The following CYSTM1 variants were observed in gnomAD, a reference collection of about 807,000 sequenced individuals.
CYSTM1 encodes cysteine-rich transmembrane module-containing protein 1.
In CYSTM1, 4 loss-of-function variants were observed where a neutral mutation model predicts 13.1. That is an observed-to-expected ratio of 0.31 (90% confidence interval 0.15 to 0.70). The LOEUF (loss-of-function observed/expected upper bound fraction) is 0.70, where lower values mean the gene tolerates loss of function less well. Among genes scored for constraint, CYSTM1 ranks in the 30% least tolerant of loss-of-function variants. The pLI is 0.72. For synonymous variants in CYSTM1, 36 were observed against 42.7 expected, an observed-to-expected ratio of 0.84 and a Z score of 0.62; for missense variants, 96 against 121.6, an observed-to-expected ratio of 0.79 and a Z score of 0.99.
intron 2 of CYSTM1, among the ~76,000 whole-genome samples, chr5:140,208,815 G>A (rs1049236843): frequency 3.3e-5 from 5 of 152,240 alleles, no homozygotes; most frequent in African/African-American, 4.8e-5. Flanking sequence ...CGAGGCAGGC[G>A]GATCACGAGG....
chr5:140,201,446 CT>C (rs1470892095), intron 2 of CYSTM1: 1 of 152,280 alleles, frequency 6.6e-6, no homozygotes, highest in Non-Finnish European at 1.5e-5. Flanking sequence ...GCTTCCTTTA[CT>C]TCCCACCTCT....
At chr5:140,228,734 C>T (rs1316587579) in intron 2 of CYSTM1, 1 of 399,112 alleles carries the variant, frequency 2.5e-6, no homozygotes, top group Non-Finnish European at 4.4e-6. Context: ...CAACAGTGTA[C>T]GTGATAGAAC....
At chr5:140,223,691 T>C (rs1029047865) in intron 2 of CYSTM1, among the ~76,000 whole-genome samples, 3 of 152,054 alleles carry the variant, frequency 2.0e-5, no homozygotes, top group African/African-American at 4.8e-5. Context: ...CTTCACACAG[T>C]AACCCAGCTT....
chr5:140,237,655 T>C (rs1167716308), intron 2 of CYSTM1, among the ~76,000 whole-genome samples: 1 of 152,244 alleles, frequency 6.6e-6, no homozygotes, highest in Admixed American at 6.5e-5. Flanking sequence ...CAGGCAGTGC[T>C]GGTGGTGCAG....
intron 2 of CYSTM1, among the ~76,000 whole-genome samples, chr5:140,217,888 G>C (rs1238153094): frequency 6.6e-6 from 1 of 152,190 alleles, no homozygotes; most frequent in Non-Finnish European, 1.5e-5. Flanking sequence ...TGAGCATACA[G>C]TGATAAGTGG....
At chr5:140,188,937 A>G (rs889562880) in intron 1 of CYSTM1, among the ~76,000 whole-genome samples, 2 of 152,252 alleles carry the variant, frequency 1.3e-5, no homozygotes, top group Non-Finnish European at 2.9e-5. Context: ...GTACAACTCA[A>G]TACATTTATA....
intron 2 of CYSTM1, among the ~76,000 whole-genome samples, chr5:140,237,391 G>C (rs1278689953): frequency 6.6e-6 from 1 of 152,246 alleles, no homozygotes; most frequent in East Asian, 1.9e-4. Context: ...GCCTGATCTT[G>C]TGCAGTGAGC....
intron 1 of CYSTM1, among the ~76,000 whole-genome samples, chr5:140,189,978 T>G (rs1432366615): frequency 6.6e-6 from 1 of 152,186 alleles, no homozygotes; most frequent in Non-Finnish European, 1.5e-5. Flanking sequence ...AAGGGTCATT[T>G]CTCCCAACAC....
intron 1 of CYSTM1, among the ~76,000 whole-genome samples, chr5:140,186,725 A>G (rs540998691): frequency 2.0e-5 from 3 of 152,212 alleles, no homozygotes; most frequent in Non-Finnish European, 4.4e-5. Flanking sequence ...TGATGCTCCT[A>G]TAAGTATTTA....
intron 1 of CYSTM1, among the ~76,000 whole-genome samples, chr5:140,184,072 CAT>C (rs982997182): frequency 1.3e-4 from 17 of 134,122 alleles, no homozygotes; most frequent in Admixed American, 1.2e-3. Context: ...TTAAATATAA[CAT>C]ATGTATAAAA....
chr5:140,217,940 C>G (rs1157380973), intron 2 of CYSTM1, among the ~76,000 whole-genome samples: 2 of 152,106 alleles, frequency 1.3e-5, no homozygotes, highest in Non-Finnish European at 1.5e-5. Context: ...AAATTAGGAG[C>G]TGAGGGTCCC....
At chr5:140,203,597 A>T (rs1764256381) in intron 2 of CYSTM1, among the ~76,000 whole-genome samples, 1 of 152,260 alleles carries the variant, frequency 6.6e-6, no homozygotes, top group East Asian at 1.9e-4. Context: ...CTATTTCTAG[A>T]TTCTAATAAA....
At chr5:140,202,734 C>T (rs1244920326) in intron 2 of CYSTM1, 1 of 152,160 alleles carries the variant, frequency 6.6e-6, no homozygotes, top group African/African-American at 2.4e-5. Context: ...TTGGCCAGTG[C>T]TTTAGAAGGG....
chr5:140,180,178 G>T (rs2126652032), intron 1 of CYSTM1, among the ~76,000 whole-genome samples: 1 of 152,280 alleles, frequency 6.6e-6, no homozygotes, highest in South Asian at 2.1e-4. Flanking sequence ...CAGTAAATTG[G>T]ATGAGGAGTG....
chr5:140,214,291 C>G (rs1764403237), intron 2 of CYSTM1, among the ~76,000 whole-genome samples: 1 of 152,220 alleles, frequency 6.6e-6, no homozygotes, highest in Non-Finnish European at 1.5e-5. Flanking sequence ...ATTTTTCCAT[C>G]TTCTTGGGGA....
chr5:140,243,507 T>C lies in CYSTM1; in HGVS notation c.*96T>C. The C allele has an allele frequency of 1.0e-6, 1 of 989,146 alleles. No individual in the cohort carries two copies. The highest frequency in any genetic ancestry group is 1.5e-6 in the Non-Finnish European group (1 of 658,962). The allele number at this position is 989,146 out of a possible 1,614,324, so 61.3% of individuals were successfully genotyped here. A position where few individuals can be genotyped will look rare whatever the true frequency, so the allele number is the denominator to read the frequency against. On this transcript the variant is annotated 3_prime_UTR_variant, in exon 3 of 3. Coordinates refer to ENST00000261811, the MANE Select transcript of CYSTM1 (RefSeq NM_032412.4). ...CTTCTGATTGCTGTTAACAAATGAC[T>C]AGCTTTGCACAGACACCTCTACCTT...
intron 1 of CYSTM1, among the ~76,000 whole-genome samples, chr5:140,191,377 CA>C (rs964598513): frequency 6.6e-6 from 1 of 152,198 alleles, no homozygotes; most frequent in Admixed American, 6.5e-5. Flanking sequence ...CTAGACCTTA[CA>C]TGCTTTTTTC....
At chr5:140,225,594 G>A (rs1764538612) in intron 2 of CYSTM1, among the ~76,000 whole-genome samples, 1 of 152,222 alleles carries the variant, frequency 6.6e-6, no homozygotes, top group Non-Finnish European at 1.5e-5. Context: ...GGGCTTCCTA[G>A]TCATACTTCC....
At chr5:140,216,922 C>T (rs1352992371) in intron 2 of CYSTM1, among the ~76,000 whole-genome samples, 4 of 152,098 alleles carry the variant, frequency 2.6e-5, no homozygotes, top group Non-Finnish European at 1.5e-5. Flanking sequence ...TACGCATTCT[C>T]GTTCTGGGGG....
Sources: gnomAD v4.1 joint callset for allele counts (sites outside exome capture counted in the v4.1 genomes callset) on GRCh38, gnomAD v4.1.1 for gene constraint, MANE v1.5 for transcripts, NCBI Gene and HGNC (gene_info 2026-07-23, HGNC 2026-07-21) for gene names.